The following ENTREP2 variants were observed in gnomAD, a reference collection of about 807,000 sequenced individuals.
The protein encoded by ENTREP2 is protein ENTREP2.
chr15:29,262,080 G>GA, the ENTREP2 span, among the ~76,000 whole-genome samples: 5,605 of 54,238 alleles, frequency 0.1, 370 homozygotes, highest in African/African-American at 0.27. Flanking sequence ...AATGGCTCCA[G>GA]AAAAAAAAAA....
chr15:29,343,033 G>GC, the ENTREP2 span, among the ~76,000 whole-genome samples: 16 of 148,032 alleles, frequency 1.1e-4, no homozygotes, highest in African/African-American at 3.9e-4. Context: ...GGAATGGGGG[G>GC]GGTGGTTCTT....
the ENTREP2 span, chr15:29,570,448 GC>G: frequency 1.9e-5 from 21 of 1,118,250 alleles, no homozygotes; most frequent in South Asian, 4.2e-5. Flanking sequence ...GCAGCGCCTA[GC>G]CCCCCCGGCC....
the ENTREP2 span, among the ~76,000 whole-genome samples, chr15:29,291,265 C>A: frequency 6.6e-6 from 1 of 152,156 alleles, no homozygotes; most frequent in Non-Finnish European, 1.5e-5. Context: ...TTTGTTACTG[C>A]AGCATAGACT....
At chr15:29,170,975 G>A in the ENTREP2 span, among the ~76,000 whole-genome samples, 2 of 152,144 alleles carry the variant, frequency 1.3e-5, no homozygotes, top group Non-Finnish European at 2.9e-5. Flanking sequence ...GCATCTGGTG[G>A]GGGTCCTCCT....
chr15:29,256,220 A>G, the ENTREP2 span, among the ~76,000 whole-genome samples: 3 of 152,124 alleles, frequency 2.0e-5, no homozygotes, highest in Non-Finnish European at 4.4e-5. Context: ...AAAACCACCT[A>G]TTGGGGTACT....
chr15:29,311,741 C>T, the ENTREP2 span, among the ~76,000 whole-genome samples: 3 of 152,200 alleles, frequency 2.0e-5, no homozygotes, highest in Middle Eastern at 3.4e-3. Flanking sequence ...ACTCAACATT[C>T]TTTCAATAAG....
the ENTREP2 span, among the ~76,000 whole-genome samples, chr15:29,203,350 T>C: frequency 1.3e-5 from 2 of 152,100 alleles, no homozygotes; most frequent in South Asian, 2.1e-4. Context: ...TGCAGTGAGC[T>C]GAGATCGCGC....
chr15:29,160,426 C>T, the ENTREP2 span, among the ~76,000 whole-genome samples: 1,190 of 152,152 alleles, frequency 7.8e-3, 14 homozygotes, highest in African/African-American at 0.027. Context: ...ACTGCCAGCA[C>T]GCTGTCACCT....
the ENTREP2 span, among the ~76,000 whole-genome samples, chr15:29,270,662 G>A: frequency 2.0e-5 from 3 of 151,310 alleles, no homozygotes; most frequent in Non-Finnish European, 4.4e-5. Flanking sequence ...GGAAAAAAAA[G>A]AGAACACTGG....
At chr15:29,123,502 T>C in the ENTREP2 span, 3 of 1,551,596 alleles carry the variant, frequency 1.9e-6, no homozygotes, top group African/African-American at 1.4e-5. Flanking sequence ...GGCATCCGCA[T>C]AGGCCTTGCT....
At chr15:29,537,601 T>C in the ENTREP2 span, among the ~76,000 whole-genome samples, 3 of 152,198 alleles carry the variant, frequency 2.0e-5, no homozygotes, top group Non-Finnish European at 4.4e-5. Flanking sequence ...ATCATTGCAT[T>C]AGCCTCCTAA....
At chr15:29,376,398 T>C in the ENTREP2 span, 4 of 152,154 alleles carry the variant, frequency 2.6e-5, no homozygotes, top group African/African-American at 9.7e-5. Flanking sequence ...GAACCCGTTA[T>C]AGTTTAATGT....
chr15:29,294,577 C>T, the ENTREP2 span, among the ~76,000 whole-genome samples: 3 of 152,176 alleles, frequency 2.0e-5, no homozygotes, highest in African/African-American at 7.2e-5. Context: ...CACACATTTC[C>T]TCCAGCAGAC....
chr15:29,387,936 A>T, the ENTREP2 span, among the ~76,000 whole-genome samples: 1 of 152,250 alleles, frequency 6.6e-6, no homozygotes, highest in Non-Finnish European at 1.5e-5. Context: ...CTGAAACTGG[A>T]TCCCTTCCTT....
At chr15:29,329,476 G>A in the ENTREP2 span, among the ~76,000 whole-genome samples, 1 of 152,100 alleles carries the variant, frequency 6.6e-6, no homozygotes, top group Non-Finnish European at 1.5e-5. Context: ...TGCGAATAAA[G>A]AGGAACCAAT....
At chr15:29,338,826 C>T in the ENTREP2 span, among the ~76,000 whole-genome samples, 4 of 152,120 alleles carry the variant, frequency 2.6e-5, no homozygotes, top group Admixed American at 1.3e-4. Context: ...CCAAATAAAA[C>T]GGTTGTGGGA....
At chr15:29,362,188 C>T in the ENTREP2 span, among the ~76,000 whole-genome samples, 1 of 151,994 alleles carries the variant, frequency 6.6e-6, no homozygotes, top group African/African-American at 2.4e-5. Flanking sequence ...GTAACATTAC[C>T]CAGACAGGGC....
At chr15:29,236,512 T>C in the ENTREP2 span, among the ~76,000 whole-genome samples, 1 of 151,658 alleles carries the variant, frequency 6.6e-6, no homozygotes, top group Admixed American at 6.6e-5. Flanking sequence ...AGCCAGGCAT[T>C]ATGGCATGCA....
At chr15:29,288,322 G>A in the ENTREP2 span, among the ~76,000 whole-genome samples, 1 of 152,116 alleles carries the variant, frequency 6.6e-6, no homozygotes, top group Admixed American at 6.5e-5. Context: ...GGCAAGTCTG[G>A]GCCACGTATG....
Sources: gnomAD v4.1 joint callset for allele counts (sites outside exome capture counted in the v4.1 genomes callset) on GRCh38, gnomAD v4.1.1 for gene constraint, MANE v1.5 for transcripts, NCBI Gene and HGNC (gene_info 2026-07-23, HGNC 2026-07-21) for gene names.